ULK1: variants seen among roughly 807,000 people sequenced by gnomAD.
The protein encoded by ULK1 is unc-51 like autophagy activating kinase 1.
Under a neutral mutation model 117.5 loss-of-function variants are expected in ULK1, and 48 were observed. The ratio of observed to expected loss-of-function variants is 0.41; its 90% confidence interval spans 0.32 to 0.52. ULK1 has a LOEUF of 0.52. ULK1 is among the 20% of genes least tolerant of loss of function. The pLI, the probability that ULK1 is intolerant of heterozygous loss-of-function variation, is 0.29. For synonymous variants in ULK1, 790 were observed against 637.8 expected, an observed-to-expected ratio of 1.24 and a Z score of -3.60; for missense variants, 1,387 against 1,473.4, an observed-to-expected ratio of 0.94 and a Z score of 0.96.
intron 8 of ULK1, 31 bp from the exon 9 acceptor site, chr12:131,909,744 C>T (rs1448184972): frequency 2.5e-6 from 4 of 1,574,530 alleles, no homozygotes; most frequent in African/African-American, 2.7e-5. Flanking sequence ...CGGCCGCAGC[C>T]CTGGCAGTCA....
rs952735950 is a variant in ULK1, at chr12:131,913,191, C to T, written c.1097-7C>T. ...GACTCCAGGCCCAGCCTTGTCTCCC[C>T]CTGCAGGTGACCTGGTGGCTGAGGC... On this transcript the variant is annotated splice_region_variant and splice_polypyrimidine_tract_variant and intron_variant, in intron 13 of 27. Coordinates refer to ENST00000321867, the MANE Select transcript of ULK1 (RefSeq NM_003565.4). The T allele has an allele frequency of 6.3e-7, 1 of 1,577,166 alleles. No homozygotes were observed. Among genetic ancestry groups the T allele is most frequent in the Non-Finnish European group, 8.6e-7 (1 of 1,165,926 alleles).
chr12:131,909,928 G>T lies in ULK1; in HGVS notation c.735G>T (p.Arg245=), dbSNP rs1200123920. The T allele has an allele frequency of 6.2e-7, 1 of 1,612,032 alleles. No individual in the cohort carries two copies. Among genetic ancestry groups the T allele is most frequent in the South Asian group, 1.1e-5 (1 of 91,052 alleles). ...CCTCCTCTTGCCCCAGCATCCCCCG[G>T]GAGACCTCGGCCCCGCTGCGGCAGC... The part of the protein sequence containing the change: ...KNKTLVPTIP[R]ETSAPLRQLL... The change falls in exon 10 of 28, where the codon CGG becomes CGT. Residue 245 remains arginine, a synonymous_variant. Transcript: ENST00000321867.
chr12:131,910,372 T>A (rs965354953), intron 11 of ULK1, 68 bp downstream of exon 11: 2 of 1,600,480 alleles, frequency 1.2e-6, no homozygotes, highest in Middle Eastern at 1.7e-4. Context: ...CGGGTTTGGT[T>A]AGGGCACTGA....
In ULK1 at chr12:131,909,794, T is replaced by C; in HGVS notation, c.686T>C (p.Leu229Pro). Residue 229 changes from leucine (L) to proline (P), a missense_variant, in exon 9 of 28, where the codon CTG becomes CCG. Leu to Pro is a moderately conservative substitution (Grantham distance 98). Transcript: ENST00000321867. The part of the protein sequence containing the change: ...APFQASSPQD[L>P]RLFYEKNKTL... ...CCGCAGGCCAGCAGCCCCCAGGACC[T>C]GCGCCTGTTCTACGAGAAGAACAAG... The C allele has an allele frequency of 6.2e-7, 1 of 1,609,986 alleles. No individual in the cohort carries two copies. Among genetic ancestry groups the C allele is most frequent in the Non-Finnish European group, 8.5e-7 (1 of 1,178,952 alleles).
At chr12:131,916,736 G>C in intron 20 of ULK1, 145 bp downstream of exon 20, 2 of 1,194,912 alleles carry the variant, frequency 1.7e-6, no homozygotes, top group South Asian at 1.6e-5. Flanking sequence ...GGGTGCCAGA[G>C]AGCCTGGCCC....
intron 22 of ULK1, 141 bp downstream of exon 22, chr12:131,917,695 G>T: frequency 2.3e-6 from 2 of 859,938 alleles, no homozygotes; most frequent in South Asian, 4.8e-5. Context: ...TCAGGCCCCT[G>T]AGAAACCCCT....
At chr12:131,909,375 G>A (rs1889420064) in intron 8 of ULK1, 138 bp downstream of exon 8, 1 of 984,644 alleles carries the variant, frequency 1.0e-6, no homozygotes, top group African/African-American at 1.7e-5. Context: ...GGGCGTCCAG[G>A]GGTCCAGTGG....
intron 11 of ULK1, 109 bp from the exon 12 acceptor site, chr12:131,910,603 A>G (rs1002478447): frequency 2.5e-6 from 4 of 1,605,882 alleles, no homozygotes; most frequent in Non-Finnish European, 3.4e-6. Context: ...GTCGGGGTGT[A>G]GCCGGAAGTG....
chr12:131,921,698 G>A lies in ULK1; in HGVS notation c.*337G>A, dbSNP rs1890157398. ...CAGGCAAGGGCCTGAGACCACTGCC[G>A]ACTCAAAGCCAAAGCGAGCTCCTGC... On this transcript the variant is annotated 3_prime_UTR_variant, in exon 28 of 28. Transcript: ENST00000321867. The A allele has an allele frequency of 1.2e-5, 7 of 602,986 alleles. No homozygotes were observed. Among genetic ancestry groups the A allele is most frequent in the East Asian group, 3.1e-5 (1 of 32,224 alleles). 37.4% of individuals were successfully genotyped at this position (602,986 alleles called of 1,614,324 possible).
rs1311012559 is a variant in ULK1 at position 131,902,990 on chromosome 12, C to T, written c.247-3902C>T. On this transcript the variant is annotated intron_variant, in intron 3 of 27. Coordinates refer to ENST00000321867, the MANE Select transcript of ULK1 (RefSeq NM_003565.4). This position sits in a 1 kb window ranked among gnomAD's most constrained non-coding sequence, Gnocchi z 6.3. The stretch of plus-strand genomic sequence containing the variant: ...AGCCCGATGCCCTGTGTGGGTTCTG[C>T]AAGGCAGAGCTGGAGCCCGATGCCC... 1.3e-5 allele frequency among the ~76,000 whole-genome samples: 2 copies of T among 152,018 alleles called. No individual in the cohort carries two copies. Among genetic ancestry groups the T allele is most frequent in the Admixed American group, 6.6e-5 (1 of 15,262 alleles).
chr12:131,910,432 G>T, intron 11 of ULK1, 128 bp downstream of exon 11: 1 of 1,431,804 alleles, frequency 7.0e-7, no homozygotes, highest in South Asian at 1.1e-5. Flanking sequence ...TCCCAGGGAG[G>T]GCAGGACACC....
chr12:131,916,211 T>C (rs1889775226), intron 19 of ULK1, 52 bp downstream of exon 19: 1 of 1,586,030 alleles, frequency 6.3e-7, no homozygotes, highest in Non-Finnish European at 8.6e-7. Flanking sequence ...GGAAGATGTG[T>C]GGGAATGGCC....
At chr12:131,915,770 A>G in intron 18 of ULK1, 121 bp from the exon 19 acceptor site, 1 of 1,398,306 alleles carries the variant, frequency 7.2e-7, no homozygotes, top group Non-Finnish European at 9.7e-7. Context: ...CCCCGTCTCA[A>G]CAAAAGAAAA....
chr12:131,918,614 T>G lies in ULK1; in HGVS notation c.2444T>G (p.Ile815Ser). Residue 815 changes from isoleucine (I) to serine (S), a missense_variant, in exon 23 of 28, where the codon ATT becomes AGT. Physicochemically the swap from Ile to Ser is moderately radical, Grantham distance 142. Transcript: ENST00000321867. ...PGHGCSFADP[I>S]TANLEGAVTF... Reference sequence around the variant, plus strand: ...CACGGCTGCAGCTTTGCCGACCCCATTACTGCGAACCTGGAGGGGGCTGTG... The same window carrying G: ...CACGGCTGCAGCTTTGCCGACCCCAGTACTGCGAACCTGGAGGGGGCTGTG... 3 of 1,610,716 alleles carry G rather than the reference T, an allele frequency of 1.9e-6. No homozygotes were observed. Among genetic ancestry groups the G allele is most frequent in the Non-Finnish European group, 2.5e-6 (3 of 1,178,938 alleles).
intron 21 of ULK1, 42 bp downstream of exon 21, chr12:131,917,104 C>CGGAGGCTGTGGGACGGGGGTT: frequency 1.0e-6 from 1 of 963,302 alleles, no homozygotes; most frequent in Non-Finnish European, 1.4e-6. Flanking sequence ...GGATGGGGGT[C>CGGAGGCTGTGGGACGGGGGTT]GGAGGCTGTG....
At chr12:131,919,640 A>G in intron 25 of ULK1, 50 bp downstream of exon 25, 4 of 1,583,408 alleles carry the variant, frequency 2.5e-6, no homozygotes, top group Non-Finnish European at 2.6e-6. Flanking sequence ...GAGGAAGCCC[A>G]CCTTGCAACT....
Position 131,922,544 on chromosome 12 carries a change from A to G in ULK1, c.*1183A>G, listed in dbSNP as rs9481. On this transcript the variant is annotated 3_prime_UTR_variant, in exon 28 of 28. Transcript: ENST00000321867. Reference sequence around the variant, plus strand: ...TGCCTTGCCCAAGGCCACGGAGGGCATCTGCAGAGAGGCCTGCCTTCCGGA... The same window carrying G: ...TGCCTTGCCCAAGGCCACGGAGGGCGTCTGCAGAGAGGCCTGCCTTCCGGA... 0.83 allele frequency: 127,888 copies of G among 154,938 alleles called. 53,201 individuals are homozygous for G. The highest frequency in any genetic ancestry group is 0.9 in the South Asian group (4,561 of 5,056). 9.6% of individuals were successfully genotyped at this position (154,938 alleles called of 1,614,324 possible). A position where few individuals can be genotyped will look rare whatever the true frequency, so the allele number is the denominator to read the frequency against.
At chr12:131,920,715 T>C in intron 26 of ULK1, 1 of 237,286 alleles carries the variant, frequency 4.2e-6, no homozygotes, top group Non-Finnish European at 8.3e-6. Flanking sequence ...CATGAGTGCC[T>C]GAGTCTCCTT....
rs1347278087 is a variant in ULK1 at position 131,921,247 on chromosome 12, G to T, written c.3097+12G>T. On this transcript the variant is annotated intron_variant, in intron 27 of 27. Coordinates refer to ENST00000321867, the MANE Select transcript of ULK1 (RefSeq NM_003565.4). ...GAACGTCACCAAGTGTGAGTGCCCG[G>T]CTGGGCTGGGGGCTGGGGACTCTGG... 1 of 1,607,920 alleles carries T rather than the reference G, an allele frequency of 6.2e-7. No homozygotes were observed. Among genetic ancestry groups the T allele is most frequent in the Non-Finnish European group, 8.5e-7 (1 of 1,179,570 alleles).
Sources: allele counts gnomAD v4.1 joint callset (sites outside exome capture counted in the v4.1 genomes callset), GRCh38; gene constraint gnomAD v4.1.1; non-coding constraint Gnocchi (gnomAD v3.1); transcripts MANE v1.5; gene names NCBI Gene and HGNC (gene_info 2026-07-23, HGNC 2026-07-21).